Variants in SLC44A2 observed in about 807,000 individuals in gnomAD.
SLC44A2 encodes choline transporter-like protein 2.
In SLC44A2, 57 loss-of-function variants were observed where a neutral mutation model predicts 90.8. The observed-to-expected ratio is 0.63, with a 90% CI of 0.51 to 0.78. The LOEUF (loss-of-function observed/expected upper bound fraction) is 0.78. Ranked by LOEUF, SLC44A2 falls within the 30% of genes least tolerant of loss-of-function variation. SLC44A2 has a pLI of 0.00. For missense variants in SLC44A2, 794 were observed against 919.7 expected (o/e 0.86, Z 1.77); for synonymous variants, 355 against 360.7 (o/e 0.98, Z 0.18).
intron 1 of SLC44A2, among the ~76,000 whole-genome samples, chr19:10,606,098 G>A (rs1918097479): frequency 1.3e-5 from 2 of 151,972 alleles, no homozygotes; most frequent in South Asian, 4.1e-4. Flanking sequence ...ATGAGTTTGA[G>A]ACCAGCCTGG....
chr19:10,610,965 A>G (rs1471892505), intron 1 of SLC44A2, among the ~76,000 whole-genome samples: 1 of 151,348 alleles, frequency 6.6e-6, no homozygotes, highest in African/African-American at 2.4e-5. Flanking sequence ...CCATTTCCCA[A>G]TCGATCCCCA....
intron 21 of SLC44A2, chr19:10,643,070 G>A: frequency 6.8e-7 from 1 of 1,472,996 alleles, no homozygotes; most frequent in Non-Finnish European, 8.9e-7. Flanking sequence ...TAGACTGGGG[G>A]TGCATGAAGC....
intron 1 of SLC44A2, among the ~76,000 whole-genome samples, chr19:10,617,353 A>AT (rs2066864030): frequency 1.3e-5 from 2 of 152,088 alleles, no homozygotes; most frequent in Non-Finnish European, 2.9e-5. Flanking sequence ...CACCCAGCTA[A>AT]GGTTAATAAG....
At chr19:10,626,101 TGGA>T in intron 1 of SLC44A2, 149 bp from the exon 2 acceptor site, 1 of 685,920 alleles carries the variant, frequency 1.5e-6, no homozygotes, top group Non-Finnish European at 2.6e-6. Context: ...TGTGGTCACC[TGGA>T]GGTGGGTGAG....
At chr19:10,641,511 AGATTT>A in intron 20 of SLC44A2, 1 of 417,938 alleles carries the variant, frequency 2.4e-6, no homozygotes, top group Non-Finnish European at 4.7e-6. Flanking sequence ...GGCATAAATT[AGATTT>A]AAGTCAGGAC....
intron 16 of SLC44A2, 129 bp downstream of exon 16, chr19:10,636,885 C>T (rs1439960301): frequency 2.1e-6 from 2 of 970,406 alleles, no homozygotes; most frequent in Non-Finnish European, 3.0e-6. Flanking sequence ...CTGTCTATGA[C>T]GGGGTGGAGT....
intron 14 of SLC44A2, chr19:10,636,113 C>G: frequency 1.6e-6 from 1 of 609,774 alleles, no homozygotes; most frequent in Non-Finnish European, 2.8e-6. Context: ...TCCATGCCCT[C>G]TTCTTGACCC....
chr19:10,627,753 C>G lies in SLC44A2; in HGVS notation c.118C>G (p.Leu40Val). ...CACGGATATCATATGCTGTGTGTTC[C>G]TGCTCCTGGCCATTGTGGGCTACGT... ...GCTDIICCVF[L>V]LLAIVGYVAV... The change falls in exon 3 of 22, where the codon CTG (leucine) becomes GTG (valine). Residue 40 changes from leucine to valine, a missense_variant. Physicochemically the swap from Leu to Val is conservative, Grantham distance 32. This residue lies in a region of SLC44A2 where 738 missense variants were observed against 841.1 expected (regional missense o/e 0.88). Coordinates refer to ENST00000335757, the MANE Select transcript of SLC44A2 (RefSeq NM_020428.4). 6.2e-7 allele frequency: 1 copy of G among 1,613,882 alleles called. No individual in the cohort carries two copies. Among genetic ancestry groups the G allele is most frequent in the Non-Finnish European group, 8.5e-7 (1 of 1,180,014 alleles).
chr19:10,624,612 C>T (rs2066915445), upstream of SLC44A2, among the ~76,000 whole-genome samples: 1 of 152,238 alleles, frequency 6.6e-6, no homozygotes, highest in Non-Finnish European at 1.5e-5. Context: ...TCTTTGAGGT[C>T]AGTTTTGGTT....
chr19:10,626,368 C>T (rs1172698896), intron 2 of SLC44A2, 67 bp downstream of exon 2: 3 of 1,196,714 alleles, frequency 2.5e-6, no homozygotes, highest in Non-Finnish European at 3.7e-6. Flanking sequence ...TCTTCACACC[C>T]CCTCCCATCT....
At chr19:10,621,440 T>TG (rs1341925753), upstream of SLC44A2, among the ~76,000 whole-genome samples, 66 of 144,074 alleles carry the variant, frequency 4.6e-4, 1 homozygote, top group Admixed American at 8.3e-4. Context: ...TTTTTTTTTT[T>TG]TGGTTTTTGT....
chr19:10,620,049 G>A (rs990525848), intron 1 of SLC44A2, among the ~76,000 whole-genome samples: 1 of 152,068 alleles, frequency 6.6e-6, no homozygotes, highest in African/African-American at 2.4e-5. Context: ...GCAATGGTGT[G>A]TGGGTAGTCC....
At chr19:10,603,544 T>G (rs937656899) in intron 1 of SLC44A2, among the ~76,000 whole-genome samples, 1 of 152,194 alleles carries the variant, frequency 6.6e-6, no homozygotes, top group Admixed American at 6.5e-5. Flanking sequence ...GGTAGAGCTG[T>G]GCCTCCCTGC....
At position 10,635,021 on chromosome 19, in the gene SLC44A2, T is replaced by C. The variant is rs1238173249; in HGVS notation, c.1003T>C (p.Phe335Leu). ...LEVIIILLLI[F>L]LRKRILIAIA... ...AGTCATTATCATCTTGCTGCTCATC[T>C]TTCTCCGGAAGAGAATTCTCATCGC... The change falls in exon 12 of 22, where the codon TTT becomes CTT. Residue 335 changes from phenylalanine to leucine, a missense_variant. By Grantham distance (22) the Phe-to-Leu change is conservative (BLOSUM62 0). Around this residue, in one of 3 missense-constraint regions of SLC44A2, gnomAD observed 738 missense variants for 841.1 expected, o/e 0.88. Transcript: ENST00000335757. The C allele has an allele frequency of 1.2e-6, 2 of 1,614,184 alleles. No homozygotes were observed. The highest frequency in any genetic ancestry group is 2.2e-5 in the East Asian group (1 of 44,874).
intron 1 of SLC44A2, among the ~76,000 whole-genome samples, chr19:10,615,893 G>A (rs1354784602): frequency 6.6e-6 from 1 of 151,976 alleles, no homozygotes; most frequent in Non-Finnish European, 1.5e-5. Flanking sequence ...GGCTGGACAT[G>A]GTGGCTCACA....
chr19:10,604,510 G>A (rs1323535466), intron 1 of SLC44A2, among the ~76,000 whole-genome samples: 2 of 152,152 alleles, frequency 1.3e-5, no homozygotes, highest in Non-Finnish European at 2.9e-5. Flanking sequence ...CTTTCCCCTG[G>A]GGATGGTGTG....
At chr19:10,602,669 C>A in intron 1 of SLC44A2, 1 of 1,056,348 alleles carries the variant, frequency 9.5e-7, no homozygotes, top group Non-Finnish European at 1.2e-6. Flanking sequence ...GGCTGGATGG[C>A]CCTCCGCGCT....
At chr19:10,638,166 T>C in intron 19 of SLC44A2, 61 bp from the exon 20 acceptor site, 4 of 1,612,448 alleles carry the variant, frequency 2.5e-6, no homozygotes, top group Non-Finnish European at 3.4e-6. Flanking sequence ...TGTCATCTTC[T>C]TAGGAGGCTG....
intron 1 of SLC44A2, among the ~76,000 whole-genome samples, chr19:10,607,427 C>T (rs1041565657): frequency 2.6e-5 from 4 of 151,806 alleles, no homozygotes; most frequent in African/African-American, 7.3e-5. Context: ...CATAGCTCAC[C>T]GCAGCCTCAA....
Sources: gnomAD v4.1 joint callset for allele counts (sites outside exome capture counted in the v4.1 genomes callset) on GRCh38, gnomAD v4.1.1 for gene constraint, gnomAD v4.1.1 regional missense constraint, MANE v1.5 for transcripts, NCBI Gene and HGNC (gene_info 2026-07-23, HGNC 2026-07-21) for gene names.